GRIA2: variants seen among roughly 807,000 people sequenced by gnomAD.
The protein encoded by GRIA2 is glutamate receptor 2.
GRIA2 carries 14 observed loss-of-function variants against 97.3 expected under a neutral mutation model. The ratio of observed to expected loss-of-function variants is 0.14; its 90% CI spans 0.10 to 0.23. The LOEUF (loss-of-function observed/expected upper bound fraction) is 0.23, where lower values mean the gene tolerates loss of function less well. Ranked by LOEUF, GRIA2 falls within the 10% of genes least tolerant of loss-of-function variation. The pLI is 1.00. For synonymous variants in GRIA2, 412 were observed against 387.8 expected, an observed-to-expected ratio of 1.06 and a Z score of -0.73; for missense variants, 558 against 1,069.8, an observed-to-expected ratio of 0.52 and a Z score of 6.67.
chr4:157,273,329 G>T (rs1732121204), intron 2 of GRIA2, among the ~76,000 whole-genome samples: 1 of 151,960 alleles, frequency 6.6e-6, no homozygotes, highest in Admixed American at 6.6e-5. Flanking sequence ...AGTACATCAT[G>T]TCCAGAAAAA....
intron 12 of GRIA2, among the ~76,000 whole-genome samples, chr4:157,348,553 T>A (rs1000960753): frequency 6.6e-6 from 1 of 152,140 alleles, no homozygotes; most frequent in Non-Finnish European, 1.5e-5. Flanking sequence ...AATGAAATTT[T>A]AAAAATAAAA....
rs747824944 is a variant in GRIA2, at chr4:157,336,360, C to CT, written c.1474-10dup. The CT allele has an allele frequency of 2.4e-5, 37 of 1,520,300 alleles. No homozygotes were observed. The highest frequency in any genetic ancestry group is 1.4e-4 in the East Asian group (6 of 44,138). The allele number at this position is 1,520,300 out of a possible 1,614,324, so 94.2% of individuals were successfully genotyped here. ...CATGACTCCAGGTACTATTACTTTC[C>CT]TTTTTTTCCCTTACAGAAAGCTGAT... On this transcript the variant is annotated splice_polypyrimidine_tract_variant and intron_variant, in intron 10 of 15. Transcript: ENST00000264426.
chr4:157,288,535 C>T (rs991942413), intron 2 of GRIA2, among the ~76,000 whole-genome samples: 4 of 151,678 alleles, frequency 2.6e-5, no homozygotes, highest in African/African-American at 9.7e-5. Flanking sequence ...ATATGGCCCA[C>T]CTCCAATCCT....
chr4:157,222,433 G>A (rs1455866357), intron 2 of GRIA2, among the ~76,000 whole-genome samples: 1 of 152,214 alleles, frequency 6.6e-6, no homozygotes, highest in Non-Finnish European at 1.5e-5. Flanking sequence ...GAGGGGCGAG[G>A]AGCGGGGCTG....
intron 2 of GRIA2, among the ~76,000 whole-genome samples, chr4:157,229,059 T>G (rs1457810505): frequency 6.6e-6 from 1 of 152,162 alleles, no homozygotes; most frequent in Non-Finnish European, 1.5e-5. Flanking sequence ...TATCAATTCC[T>G]TTAATTAATT....
intron 2 of GRIA2, among the ~76,000 whole-genome samples, chr4:157,258,193 G>T (rs997192349): frequency 6.6e-5 from 10 of 152,104 alleles, no homozygotes; most frequent in Admixed American, 6.6e-4. Flanking sequence ...GGGAACAAGG[G>T]AGATAACTAT....
intron 11 of GRIA2, among the ~76,000 whole-genome samples, chr4:157,340,755 T>G (rs1215934192): frequency 6.6e-6 from 1 of 152,020 alleles, no homozygotes. Flanking sequence ...ATACACAAAA[T>G]TAACAAAATT....
chr4:157,359,720 T>C (rs1374443226), intron 12 of GRIA2, among the ~76,000 whole-genome samples, 176 bp from the exon 13 acceptor site: 1 of 152,144 alleles, frequency 6.6e-6, no homozygotes, highest in African/African-American at 2.4e-5. Flanking sequence ...AAAAATGATT[T>C]GGCATAATAA....
chr4:157,310,390 A>C (rs1734027510), intron 3 of GRIA2, among the ~76,000 whole-genome samples: 1 of 152,148 alleles, frequency 6.6e-6, no homozygotes, highest in Non-Finnish European at 1.5e-5. Flanking sequence ...TTCCATTCTG[A>C]AATAAAAATA....
intron 12 of GRIA2, among the ~76,000 whole-genome samples, chr4:157,342,786 T>G (rs1475405642): frequency 6.6e-6 from 1 of 152,056 alleles, no homozygotes; most frequent in African/African-American, 2.4e-5. Flanking sequence ...TAACAGGATT[T>G]ACTTGGTGCT....
At chr4:157,353,299 C>T (rs767416410) in intron 12 of GRIA2, among the ~76,000 whole-genome samples, 1 of 151,756 alleles carries the variant, frequency 6.6e-6, no homozygotes. Flanking sequence ...TTATGGTGAG[C>T]CAAGATGGCG....
intron 1 of GRIA2, 101 bp from the exon 2 acceptor site, chr4:157,221,566 G>C (rs984537355): frequency 1.6e-6 from 2 of 1,216,392 alleles, no homozygotes; most frequent in Admixed American, 4.1e-5. Context: ...GCCTATTCGC[G>C]TGAATAAGAG....
At chr4:157,303,473 A>T in intron 2 of GRIA2, 79 bp from the exon 3 acceptor site, 1 of 1,145,128 alleles carries the variant, frequency 8.7e-7, no homozygotes, top group South Asian at 1.3e-5. Flanking sequence ...ATGTAAAAGG[A>T]CATTACGTTT....
intron 2 of GRIA2, among the ~76,000 whole-genome samples, chr4:157,237,205 G>A (rs544815549): frequency 3.3e-5 from 5 of 150,468 alleles, no homozygotes; most frequent in East Asian, 3.9e-4. Flanking sequence ...ACAGAATCCC[G>A]TTTTATTTTT....
chr4:157,286,021 A>G (rs893921989), intron 2 of GRIA2, among the ~76,000 whole-genome samples: 2 of 151,536 alleles, frequency 1.3e-5, no homozygotes, highest in Admixed American at 1.3e-4. Context: ...ATTTAATAAT[A>G]CTTCTGAAAT....
intron 2 of GRIA2, among the ~76,000 whole-genome samples, chr4:157,256,230 T>G (rs1731254389): frequency 8.3e-6 from 1 of 120,904 alleles, no homozygotes; most frequent in African/African-American, 3.5e-5. Context: ...ATATATAATA[T>G]ATAATATATA....
intron 2 of GRIA2, among the ~76,000 whole-genome samples, chr4:157,275,510 T>C (rs1274487762): frequency 1.3e-5 from 2 of 152,196 alleles, no homozygotes; most frequent in Non-Finnish European, 2.9e-5. Flanking sequence ...AGGTCTAACA[T>C]GTAAGTCTTT....
intron 12 of GRIA2, among the ~76,000 whole-genome samples, chr4:157,357,607 A>T (rs967318953): frequency 6.6e-6 from 1 of 152,126 alleles, no homozygotes; most frequent in Admixed American, 6.6e-5. Context: ...AGAATATGTC[A>T]TATATGTTAT....
chr4:157,355,578 ATATATATATTTATTTATATATATATT>A (rs1222771671), intron 12 of GRIA2, among the ~76,000 whole-genome samples: 9 of 139,696 alleles, frequency 6.4e-5, no homozygotes, highest in South Asian at 2.1e-4. Context: ...TGGGAAATAT[ATATATATATTTATTTATATATATATT>A]TATATATATT....
Sources: allele counts gnomAD v4.1 joint callset (sites outside exome capture counted in the v4.1 genomes callset), GRCh38; gene constraint gnomAD v4.1.1; transcripts MANE v1.5; gene names NCBI Gene and HGNC (gene_info 2026-07-23, HGNC 2026-07-21).